Variants in DENND1A observed in about 807,000 individuals in gnomAD.
The protein encoded by DENND1A is DENN domain containing 1A.
In DENND1A, 51 loss-of-function variants were observed where a neutral mutation model predicts 113.7. The observed-to-expected ratio is 0.45, with a 90% confidence interval of 0.36 to 0.57. The LOEUF is 0.57. DENND1A is among the 20% of genes least tolerant of loss of function. DENND1A has a pLI of 0.00. For synonymous variants in DENND1A, 565 were observed against 570.8 expected (o/e 0.99, Z 0.14); for missense variants, 1,258 against 1,395.9 (o/e 0.90, Z 1.57).
chr9:123,669,380 A>G (rs1275033528), intron 7 of DENND1A, among the ~76,000 whole-genome samples: 2 of 152,202 alleles, frequency 1.3e-5, no homozygotes, highest in Non-Finnish European at 2.9e-5. Flanking sequence ...TTCCAAAACC[A>G]AGTAGTCCCC....
intron 20 of DENND1A, among the ~76,000 whole-genome samples, chr9:123,406,838 G>T (rs571559540): frequency 6.6e-6 from 1 of 152,044 alleles, no homozygotes; most frequent in Non-Finnish European, 1.5e-5. Flanking sequence ...GCGGGGCCCC[G>T]GGGCAGAGCT....
intron 13 of DENND1A, among the ~76,000 whole-genome samples, chr9:123,507,429 T>C (rs2053051708): frequency 6.6e-6 from 1 of 152,224 alleles, no homozygotes; most frequent in African/African-American, 2.4e-5. Context: ...TAACAATAGT[T>C]ATAATTAGCA....
intron 5 of DENND1A, among the ~76,000 whole-genome samples, chr9:123,705,147 A>G (rs948241736): frequency 3.9e-5 from 6 of 152,308 alleles, no homozygotes; most frequent in South Asian, 4.1e-4. Flanking sequence ...TTAGTTTAAG[A>G]GTAACAATTA....
At chr9:123,707,983 T>A (rs2066338925) in intron 5 of DENND1A, among the ~76,000 whole-genome samples, 1 of 152,174 alleles carries the variant, frequency 6.6e-6, no homozygotes, top group Non-Finnish European at 1.5e-5. Flanking sequence ...CATGGATGCA[T>A]GGTTTTGTTC....
chr9:123,442,122 C>T (rs1428420217), intron 18 of DENND1A, among the ~76,000 whole-genome samples: 1 of 152,224 alleles, frequency 6.6e-6, no homozygotes. Context: ...CTACCAATTA[C>T]TACCATTACT....
chr9:123,418,341 C>T (rs1310072643), intron 19 of DENND1A, among the ~76,000 whole-genome samples: 6 of 152,318 alleles, frequency 3.9e-5, no homozygotes, highest in South Asian at 4.1e-4. Context: ...GCCTGGCCCT[C>T]GGCATCTCTA....
chr9:123,765,501 C>G (rs1828647026), intron 4 of DENND1A, among the ~76,000 whole-genome samples: 1 of 152,182 alleles, frequency 6.6e-6, no homozygotes, highest in Non-Finnish European at 1.5e-5. Context: ...AATGATGCCT[C>G]TGGCCCTGAA....
At chr9:123,720,856 T>C (rs542780296) in intron 5 of DENND1A, among the ~76,000 whole-genome samples, 23 of 152,320 alleles carry the variant, frequency 1.5e-4, no homozygotes, top group Admixed American at 1.3e-3. Context: ...AAAATGGAAT[T>C]AGAAGAGTAA....
At chr9:123,730,600 G>A (rs2068089863) in intron 5 of DENND1A, among the ~76,000 whole-genome samples, 2 of 152,146 alleles carry the variant, frequency 1.3e-5, no homozygotes, top group Non-Finnish European at 2.9e-5. Flanking sequence ...AAAAAGTCAG[G>A]AAACAACAGA....
Position 123,926,567 on chromosome 9 carries a change from CAAAAAAA to C in DENND1A, c.17+3315_17+3321del, listed in dbSNP as rs746978969. Among the ~76,000 whole-genome samples, 18 of 41,074 alleles carry C rather than the reference CAAAAAAA, an allele frequency of 4.4e-4. 1 individual carries two copies. The highest frequency in any genetic ancestry group is 1.2e-3 in the African/African-American group (16 of 12,822). 26.9% of individuals were successfully genotyped at this position (41,074 alleles called of 152,430 possible). On this transcript the variant is annotated intron_variant, in intron 1 of 23. Transcript: ENST00000394215. ...GGGCAACAAGAGCAAAACTCCATCTCAAAAAAAAAAAAAAAAAAAAGAACTAAATAAT... is the reference window on the plus strand; with the variant it reads ...GGGCAACAAGAGCAAAACTCCATCTCAAAAAAAAAAAAAGAACTAAATAAT...
rs1193371190 is a variant in DENND1A, at chr9:123,387,801, A to T, written c.1689T>A (p.Asp563Glu). 1 of 1,289,988 alleles carries T rather than the reference A, an allele frequency of 7.8e-7. No individual in the cohort carries two copies. The highest frequency in any genetic ancestry group is 1.0e-6 in the Non-Finnish European group (1 of 988,916). The allele number at this position is 1,289,988 out of a possible 1,614,324, so 79.9% of individuals were successfully genotyped here. A position where few individuals can be genotyped will look rare whatever the true frequency, so the allele number is the denominator to read the frequency against. Reference sequence around the variant, plus strand: ...TCGGGCCCTCTTCCCGCTGGCATTCATCATCAGAGGAGTCTTCGGAGAGGA... The same window carrying T: ...TCGGGCCCTCTTCCCGCTGGCATTCTTCATCAGAGGAGTCTTCGGAGAGGA... Reference protein sequence around the residue: ...AVFLSEDSSDDECQREEGPSS... With the variant: ...AVFLSEDSSDEECQREEGPSS... Residue 563 changes from aspartate (D) to glutamate (E), a missense_variant, in exon 22 of 24, where the codon GAT becomes GAA. Asp to Glu is a conservative substitution (Grantham distance 45, BLOSUM62 2). Around this residue, in one of 2 missense-constraint regions of DENND1A, gnomAD observed 1,159 missense variants for 1,231.7 expected, o/e 0.94. Coordinates refer to ENST00000394215, the MANE Select transcript of DENND1A (RefSeq NM_001352964.2).
rs1839163002 is a variant in DENND1A, at chr9:123,825,422, T to TA, written c.89-32793dup. The stretch of plus-strand genomic sequence containing the variant: ...CCCATTCTGTAATGGATGCTGATCT[T>TA]ACTAGGGGGTGTCAACAGAAAATTT... On this transcript the variant is annotated intron_variant, in intron 2 of 23. Coordinates refer to ENST00000394215, the MANE Select transcript of DENND1A (RefSeq NM_001352964.2). 5.3e-5 allele frequency among the ~76,000 whole-genome samples: 8 copies of TA among 152,270 alleles called. No individual in the cohort carries two copies. The South Asian group carries it at 1.7e-3, about 32-fold the overall frequency.
chr9:123,888,695 G>A (rs1475202638), intron 1 of DENND1A, among the ~76,000 whole-genome samples: 1 of 152,176 alleles, frequency 6.6e-6, no homozygotes, highest in Non-Finnish European at 1.5e-5. Context: ...AGGAAAGGCT[G>A]AAAATCTCTT....
intron 2 of DENND1A, among the ~76,000 whole-genome samples, chr9:123,829,765 GCTTCAT>G (rs952561416): frequency 1.3e-5 from 2 of 152,080 alleles, no homozygotes; most frequent in Non-Finnish European, 2.9e-5. Flanking sequence ...AGCTCTTATG[GCTTCAT>G]TAGTAAGTTC....
At chr9:123,838,928 C>CT (rs1197769284) in intron 2 of DENND1A, among the ~76,000 whole-genome samples, 1 of 152,156 alleles carries the variant, frequency 6.6e-6, no homozygotes, top group Non-Finnish European at 1.5e-5. Context: ...TAGAAATAAT[C>CT]TTTTTAGGTG....
intron 3 of DENND1A, among the ~76,000 whole-genome samples, chr9:123,777,748 T>A (rs1830672885): frequency 6.6e-6 from 1 of 152,228 alleles, no homozygotes; most frequent in South Asian, 2.1e-4. Flanking sequence ...AATAATAGGC[T>A]TTATTTATCC....
chr9:123,413,970 T>C, intron 19 of DENND1A: 1 of 989,298 alleles, frequency 1.0e-6, no homozygotes, highest in Non-Finnish European at 1.2e-6. Context: ...ATACTGCTTC[T>C]CTTATGCTTG....
At chr9:123,604,356 C>A (rs2060057211) in intron 11 of DENND1A, among the ~76,000 whole-genome samples, 1 of 152,220 alleles carries the variant, frequency 6.6e-6, no homozygotes, top group Non-Finnish European at 1.5e-5. Flanking sequence ...GAGCCTACAG[C>A]ATCCCAAATT....
intron 2 of DENND1A, among the ~76,000 whole-genome samples, chr9:123,805,147 A>G (rs990091891): frequency 2.1e-4 from 32 of 152,100 alleles, no homozygotes; most frequent in African/African-American, 7.2e-4. Context: ...TAGTTTCCCA[A>G]TGTGGCCTTC....
Sources: gnomAD v4.1 joint callset for allele counts (sites outside exome capture counted in the v4.1 genomes callset) on GRCh38, gnomAD v4.1.1 for gene constraint, gnomAD v4.1.1 regional missense constraint, MANE v1.5 for transcripts, NCBI Gene and HGNC (gene_info 2026-07-23, HGNC 2026-07-21) for gene names.